The following APPL2 variants were observed in gnomAD, a reference collection of about 807,000 sequenced individuals.
APPL2 encodes the protein DCC-interacting protein 13-beta.
APPL2 carries 84 observed loss-of-function variants against 92.7 expected under a neutral mutation model. The ratio of observed to expected loss-of-function variants is 0.91; its 90% CI spans 0.76 to 1.09. The LOEUF (loss-of-function observed/expected upper bound fraction) is 1.09. Ranked by LOEUF, APPL2 falls within the 50% of genes least tolerant of loss-of-function variation. The probability of loss-of-function intolerance (pLI) is 0.00; values close to 1 mark genes in which losing one functional copy is unlikely to be tolerated. For synonymous variants in APPL2, 291 were observed against 291.0 expected (o/e 1.00, Z 0.00); for missense variants, 736 against 824.5 (o/e 0.89, Z 1.31).
intron 17 of APPL2, among the ~76,000 whole-genome samples, chr12:105,178,199 G>A (rs1001340797): frequency 1.3e-5 from 2 of 152,114 alleles, no homozygotes; most frequent in Non-Finnish European, 2.9e-5. Context: ...TAGATAAGTG[G>A]TTATAAATTT....
intron 17 of APPL2, among the ~76,000 whole-genome samples, chr12:105,187,498 G>A (rs528640759): frequency 4.6e-5 from 7 of 152,244 alleles, no homozygotes; most frequent in African/African-American, 1.4e-4. Context: ...AAGAAATGCC[G>A]AAGCCAGGAA....
At chr12:105,193,073 C>A (rs1887356638) in intron 14 of APPL2, among the ~76,000 whole-genome samples, 1 of 152,206 alleles carries the variant, frequency 6.6e-6, no homozygotes, top group African/African-American at 2.4e-5. Flanking sequence ...ACATCTGTCA[C>A]CCATCCAATC....
At position 105,199,772 on chromosome 12, in the gene APPL2, T is replaced by C. The variant is rs563668573; in HGVS notation, c.705-241A>G. 7.9e-5 allele frequency among the ~76,000 whole-genome samples: 12 copies of C among 152,292 alleles called. No homozygotes were observed. The East Asian group carries it at 2.3e-3, about 29-fold the overall frequency. The stretch of plus-strand genomic sequence containing the variant: ...CTGTTTTAAAACAGAACCTAAGGAA[T>C]GCCATTGAACTATGCTTGAACCCAG... On this transcript the variant is annotated intron_variant, in intron 9 of 20. Coordinates refer to ENST00000258530, the MANE Select transcript of APPL2 (RefSeq NM_018171.5).
intron 20 of APPL2, among the ~76,000 whole-genome samples, chr12:105,174,880 G>GGT (rs1007701646): frequency 7.2e-6 from 1 of 138,340 alleles, no homozygotes; most frequent in African/African-American, 2.7e-5. Context: ...TTTTGGTGGG[G>GGT]GGGGGGGTGG....
At chr12:105,222,812 C>T (rs1251152564) in intron 2 of APPL2, among the ~76,000 whole-genome samples, 1 of 152,162 alleles carries the variant, frequency 6.6e-6, no homozygotes. Context: ...TTTGGGCACA[C>T]TGGCGAAGGG....
chr12:105,228,009 T>C (rs568100918), intron 2 of APPL2, among the ~76,000 whole-genome samples: 76 of 152,350 alleles, frequency 5.0e-4, no homozygotes, highest in Non-Finnish European at 9.8e-4. Flanking sequence ...TAAGGCTCTC[T>C]GGTGATTGCT....
At chr12:105,204,365 G>A (rs111866486) in intron 8 of APPL2, among the ~76,000 whole-genome samples, 325 of 152,228 alleles carry the variant, frequency 2.1e-3, no homozygotes, top group African/African-American at 7.5e-3. Flanking sequence ...CTGGCATGGC[G>A]GGCACCAAAA....
chr12:105,190,317 T>C (rs1262998040), intron 14 of APPL2, among the ~76,000 whole-genome samples, 162 bp from the exon 15 acceptor site: 1 of 152,222 alleles, frequency 6.6e-6, no homozygotes, highest in Admixed American at 6.5e-5. Flanking sequence ...ACTTCCTTCA[T>C]ATCCTTGGCT....
At chr12:105,212,381 C>T (rs1036439717) in intron 4 of APPL2, among the ~76,000 whole-genome samples, 4 of 152,146 alleles carry the variant, frequency 2.6e-5, no homozygotes, top group Admixed American at 6.5e-5. Context: ...CAGCTTTATA[C>T]GCTCAATACT....
chr12:105,219,212 T>C (rs931761982), intron 2 of APPL2, among the ~76,000 whole-genome samples: 3 of 152,198 alleles, frequency 2.0e-5, no homozygotes, highest in African/African-American at 4.8e-5. Context: ...CCAGTCCTAT[T>C]TGGCAGAATA....
chr12:105,233,083 C>T, intron 1 of APPL2: 1 of 985,370 alleles, frequency 1.0e-6, no homozygotes, highest in Non-Finnish European at 1.2e-6. Flanking sequence ...CAAAAGTGTA[C>T]TACTTACAGG....
intron 17 of APPL2, among the ~76,000 whole-genome samples, chr12:105,187,363 CACATTTATTCCTCATG>C (rs1404729665): frequency 4.6e-5 from 7 of 152,156 alleles, no homozygotes; most frequent in South Asian, 2.1e-4. Context: ...CATATATTAG[CACATTTATTCCTCATG>C]ACATTTATTC....
In APPL2 at chr12:105,183,503, C is replaced by T. The variant is rs565716330; in HGVS notation, c.1634+4770G>A. ...CTTGTCTGTAAAGGATTTTATTTCT[C>T]CTTTGCTTATGAAGCTTAGTTTGGC... On this transcript the variant is annotated intron_variant, in intron 17 of 20. Transcript: ENST00000258530. Among the ~76,000 whole-genome samples the T allele has an allele frequency of 5.3e-4, 80 of 152,132 alleles. 7 individuals are homozygous for T. Among genetic ancestry groups the T allele is most frequent in the Non-Finnish European group, 7.3e-5 (5 of 68,032 alleles).
chr12:105,176,316 G>GTACC, intron 19 of APPL2: 1 of 548,472 alleles, frequency 1.8e-6, no homozygotes, highest in South Asian at 2.6e-5. Context: ...TGAAACTCAG[G>GTACC]TAATTCCAGT....
At chr12:105,189,191 GTA>G (rs113045806) in intron 16 of APPL2, among the ~76,000 whole-genome samples, 9 of 150,062 alleles carry the variant, frequency 6.0e-5, no homozygotes, top group Non-Finnish European at 7.4e-5. Context: ...GCTAATTTTT[GTA>G]TATATATATA....
At chr12:105,207,254 A>AC (rs752495523) in intron 7 of APPL2, 47 bp from the exon 8 acceptor site, 1 of 1,561,068 alleles carries the variant, frequency 6.4e-7, no homozygotes, top group South Asian at 1.2e-5. Flanking sequence ...ACTGTACGTG[A>AC]CAATTCTGTA....
intron 8 of APPL2, among the ~76,000 whole-genome samples, chr12:105,206,178 C>T (rs1257321802): frequency 6.6e-6 from 1 of 152,212 alleles, no homozygotes; most frequent in Non-Finnish European, 1.5e-5. Context: ...TTGAATGACA[C>T]TGACGTGAAG....
At chr12:105,193,302 A>G (rs1887382318) in intron 14 of APPL2, among the ~76,000 whole-genome samples, 1 of 152,118 alleles carries the variant, frequency 6.6e-6, no homozygotes, top group East Asian at 1.9e-4. Flanking sequence ...CTATCCATCA[A>G]CACCCTTGAG....
At chr12:105,221,382 T>C (rs1890091060) in intron 2 of APPL2, among the ~76,000 whole-genome samples, 1 of 152,230 alleles carries the variant, frequency 6.6e-6, no homozygotes, top group South Asian at 2.1e-4. Context: ...TATTTCCATT[T>C]TGTAAACGTG....
Sources: allele counts gnomAD v4.1 joint callset (sites outside exome capture counted in the v4.1 genomes callset), GRCh38; gene constraint gnomAD v4.1.1; transcripts MANE v1.5; gene names NCBI Gene and HGNC (gene_info 2026-07-23, HGNC 2026-07-21).